ZBTB43: variants seen among roughly 807,000 people sequenced by gnomAD.
ZBTB43 encodes zinc finger and BTB domain containing 43.
ZBTB43 carries 6 observed loss-of-function variants against 31.1 expected under a neutral mutation model. That is an observed-to-expected ratio of 0.19 (90% CI 0.11 to 0.38). ZBTB43 has a LOEUF of 0.38. ZBTB43 is among the 10% of genes least tolerant of loss of function. The pLI, the probability that ZBTB43 is intolerant of heterozygous loss-of-function variation, is 1.00. For missense variants in ZBTB43, 379 were observed against 602.1 expected (o/e 0.63, Z 3.88); for synonymous variants, 212 against 221.7 (o/e 0.96, Z 0.39).
At chr9:126,810,833 G>A (rs148797508) in intron 2 of ZBTB43, among the ~76,000 whole-genome samples, 2,121 of 151,922 alleles carry the variant, frequency 0.014, 25 homozygotes, top group Non-Finnish European at 0.021. Flanking sequence ...GATGGTCAGC[G>A]TGCGAAAGTT....
In ZBTB43 at chr9:126,833,757, G is replaced by A; in HGVS notation, c.1248G>A (p.Val416=). The A allele has an allele frequency of 1.9e-6, 3 of 1,611,088 alleles. No homozygotes were observed. The highest frequency in any genetic ancestry group is 2.5e-6 in the Non-Finnish European group (3 of 1,177,456). ...AATTCAAAATGAAGCACCATCTCGT[G>A]GGCCACATGAAAATTCACACAGGCA... The part of the protein sequence containing the change: ...GKKFKMKHHL[V]GHMKIHTGIK... The change falls in exon 3 of 3, where the codon GTG becomes GTA. Residue 416 remains valine, a synonymous_variant. Coordinates refer to ENST00000373464, the MANE Select transcript of ZBTB43 (RefSeq NM_014007.4). The surrounding 1 kb of genome is among the most constrained non-coding windows in gnomAD (Gnocchi z 7.9).
At chr9:126,825,871 C>T (rs1239743073) in intron 2 of ZBTB43, among the ~76,000 whole-genome samples, 4 of 128,038 alleles carry the variant, frequency 3.1e-5, no homozygotes, top group Admixed American at 1.7e-4. Flanking sequence ...TTTGAGATGG[C>T]GCATCACTCT....
intron 1 of ZBTB43, among the ~76,000 whole-genome samples, chr9:126,805,715 C>G (rs1257803258): frequency 6.6e-6 from 1 of 152,214 alleles, no homozygotes; most frequent in Non-Finnish European, 1.5e-5. Flanking sequence ...ATATCTGTCT[C>G]CACCTTGCTT....
At chr9:126,827,143 G>A (rs1466591948) in intron 2 of ZBTB43, among the ~76,000 whole-genome samples, 1 of 152,162 alleles carries the variant, frequency 6.6e-6, no homozygotes, top group East Asian at 1.9e-4. Context: ...GTTCCATGTA[G>A]TTGCTTAAGT....
At chr9:126,814,080 G>C (rs1242784005) in intron 2 of ZBTB43, among the ~76,000 whole-genome samples, 1 of 152,064 alleles carries the variant, frequency 6.6e-6, no homozygotes, top group Non-Finnish European at 1.5e-5. Flanking sequence ...TAAACCTATA[G>C]ATTCTTGTCC....
Position 126,838,194 on chromosome 9 carries a change from C to G in ZBTB43, c.*4281C>G, listed in dbSNP as rs2032922945. The G allele has an allele frequency of 6.2e-6, 1 of 162,092 alleles. No individual in the cohort carries two copies. The highest frequency in any genetic ancestry group is 1.5e-5 in the Non-Finnish European group (1 of 68,104). 10.0% of individuals were successfully genotyped at this position (162,092 alleles called of 1,614,324 possible). Reference sequence around the variant, plus strand: ...TATGACATGTTTTAATAAATGTTATCTGTCAACTTTGTAAAAGTTTTGTTT... The same window carrying G: ...TATGACATGTTTTAATAAATGTTATGTGTCAACTTTGTAAAAGTTTTGTTT... On this transcript the variant is annotated 3_prime_UTR_variant, in exon 3 of 3. Transcript: ENST00000373464.
In ZBTB43 at chr9:126,832,984, T is replaced by C. The variant is rs549957286; in HGVS notation, c.475T>C (p.Ser159Pro). 2.2e-5 allele frequency: 35 copies of C among 1,613,706 alleles called. No individual in the cohort carries two copies. Among genetic ancestry groups the C allele is most frequent in the Middle Eastern group, 3.3e-4 (2 of 6,062 alleles). The change falls in exon 3 of 3, where the codon TCT becomes CCT. Residue 159 changes from serine to proline, a missense_variant. Coordinates refer to ENST00000373464, the MANE Select transcript of ZBTB43 (RefSeq NM_014007.4). ...NGLVESFELG[S>P]GGHTDFPKAQ... ...CCTGGTAGAGAGCTTTGAGCTGGGC[T>C]CTGGGGGTCATACTGATTTTCCCAA...
chr9:126,825,561 CAG>C (rs2032612120), intron 2 of ZBTB43, among the ~76,000 whole-genome samples: 1 of 152,164 alleles, frequency 6.6e-6, no homozygotes, highest in Admixed American at 6.5e-5. Flanking sequence ...TGGGCCCATA[CAG>C]AGTCTTTTCT....
chr9:126,806,497 C>A (rs189091203), intron 1 of ZBTB43, among the ~76,000 whole-genome samples: 2 of 152,194 alleles, frequency 1.3e-5, no homozygotes, highest in Admixed American at 1.3e-4. Flanking sequence ...GGAGTTATTG[C>A]TTAATGTTAC....
Position 126,817,100 on chromosome 9 carries a change from C to CTTTTTTT in ZBTB43, c.-24+8207_-24+8213dup, listed in dbSNP as rs780632905. On this transcript the variant is annotated intron_variant, in intron 2 of 2. Transcript: ENST00000373464. ...CAACTTGGCCCCATTTCCACTGTAT[C>CTTTTTTT]TTTTTTTTTTTTTTTTTTTTTTTTT... Among the ~76,000 whole-genome samples the CTTTTTTT allele has an allele frequency of 1.5e-3, 82 of 55,358 alleles. 8 individuals are homozygous for CTTTTTTT. The highest frequency in any genetic ancestry group is 5.2e-3 in the African/African-American group (74 of 14,122). The allele number at this position is 55,358 out of a possible 152,430, so 36.3% of individuals were successfully genotyped here.
chr9:126,828,668 T>C (rs1053095546), intron 2 of ZBTB43, among the ~76,000 whole-genome samples: 2 of 146,308 alleles, frequency 1.4e-5, no homozygotes, highest in South Asian at 4.3e-4. Context: ...ATTATTATTA[T>C]TATTATTATT....
chr9:126,832,644 G>A lies in ZBTB43; in HGVS notation c.135G>A (p.Arg45=). Residue 45 remains arginine (R), a synonymous_variant, in exon 3 of 3, where the codon CGG becomes CGA. Coordinates refer to ENST00000373464, the MANE Select transcript of ZBTB43 (RefSeq NM_014007.4). ...TTGTTGTCCAAGGCCACATTTTCCG[G>A]GCACACAAAGCCGTTCTTGCTGCCA... is the stretch of plus-strand genomic sequence containing the variant. The part of the protein sequence containing the change: ...VSIVVQGHIF[R]AHKAVLAASS... The A allele has an allele frequency of 6.2e-7, 1 of 1,614,060 alleles. No individual in the cohort carries two copies. The highest frequency in any genetic ancestry group is 8.5e-7 in the Non-Finnish European group (1 of 1,180,028).
In ZBTB43 at chr9:126,833,059, G is replaced by A. The variant is rs1320866014; in HGVS notation, c.550G>A (p.Glu184Lys). The stretch of plus-strand genomic sequence containing the variant: ...AAATGAAGAGGAGAGCACCAAAGAC[G>A]AGCTGTCATCCCAGCTCACCGAGCA... ...GENEEESTKD[E>K]LSSQLTEHEY... Residue 184 changes from glutamate (E) to lysine (K), a missense_variant, in exon 3 of 3, where the codon GAG becomes AAG. Glu to Lys is a moderately conservative substitution (Grantham distance 56). This residue lies in a region of ZBTB43 where 253 missense variants were observed against 322.3 expected (regional missense o/e 0.79). Coordinates refer to ENST00000373464, the MANE Select transcript of ZBTB43 (RefSeq NM_014007.4). The surrounding 1 kb of genome is among the most constrained non-coding windows in gnomAD (Gnocchi z 7.9). 4 of 1,613,940 alleles carry A rather than the reference G, an allele frequency of 2.5e-6. No individual in the cohort carries two copies. The highest frequency in any genetic ancestry group is 3.4e-6 in the Non-Finnish European group (4 of 1,180,024).
At position 126,827,510 on chromosome 9, in the gene ZBTB43, C is replaced by CCAT. The variant is rs150361754; in HGVS notation, c.-23-4975_-23-4973dup. On this transcript the variant is annotated intron_variant, in intron 2 of 2. Transcript: ENST00000373464. ...TCTTCTGAGCTTCAGCAGCCTCCCT[C>CCAT]CATCCAGCACTCTCTTGGTTGCTGT... Among the ~76,000 whole-genome samples the CCAT allele has an allele frequency of 6.8e-3, 1,030 of 152,290 alleles. 11 individuals carry two copies. The highest frequency in any genetic ancestry group is 0.023 in the African/African-American group (950 of 41,552).
chr9:126,821,730 G>A (rs1180841637), intron 2 of ZBTB43, among the ~76,000 whole-genome samples: 2 of 152,176 alleles, frequency 1.3e-5, no homozygotes, highest in African/African-American at 4.8e-5. Flanking sequence ...AAGATGGTGT[G>A]AACATTATTG....
In ZBTB43 at chr9:126,837,808, G is replaced by A. The variant is rs1564211689; in HGVS notation, c.*3895G>A. 6.0e-6 allele frequency: 1 copy of A among 166,496 alleles called. No individual in the cohort carries two copies. Among genetic ancestry groups the A allele is most frequent in the South Asian group, 2.1e-4 (1 of 4,800 alleles). 10.3% of individuals were successfully genotyped at this position (166,496 alleles called of 1,614,324 possible). On this transcript the variant is annotated 3_prime_UTR_variant, in exon 3 of 3. Coordinates refer to ENST00000373464, the MANE Select transcript of ZBTB43 (RefSeq NM_014007.4). The stretch of plus-strand genomic sequence containing the variant: ...ATCTCTACTGATAGTGCCCTATGGG[G>A]AGATGCTGGAACACATTTTGCAAAT...
At position 126,833,832 on chromosome 9, in the gene ZBTB43, C is replaced by T; in HGVS notation, c.1323C>T (p.Asp441=). 1 of 1,603,620 alleles carries T rather than the reference C, an allele frequency of 6.2e-7. No homozygotes were observed. Among genetic ancestry groups the T allele is most frequent in the Non-Finnish European group, 8.5e-7 (1 of 1,171,224 alleles). ...NICAKRFMWR[D]SFHRHVTSCT... ...GTGCAAAGAGGTTTATGTGGAGGGA[C>T]AGTTTCCACCGGCATGTGACTTCTT... Residue 441 remains aspartate, a synonymous_variant, in exon 3 of 3, where the codon GAC becomes GAT. Transcript: ENST00000373464. This position sits in a 1 kb window ranked among gnomAD's most constrained non-coding sequence, Gnocchi z 7.9.
rs946681623 is a variant in ZBTB43 at position 126,811,241 on chromosome 9, A to G, written c.-24+2326A>G. Among the ~76,000 whole-genome samples the G allele has an allele frequency of 4.6e-5, 7 of 152,006 alleles. 1 individual carries two copies. The highest frequency in any genetic ancestry group is 7.2e-5 in the African/African-American group (3 of 41,404). The stretch of plus-strand genomic sequence containing the variant: ...TCAAAAAAAAAAAAAAAAAGAAGAA[A>G]AAATTATATTCACCTTTTCTTTCCA... On this transcript the variant is annotated intron_variant, in intron 2 of 2. Transcript: ENST00000373464.
chr9:126,817,809 T>G (rs1163947739), intron 2 of ZBTB43, among the ~76,000 whole-genome samples: 1 of 152,102 alleles, frequency 6.6e-6, no homozygotes, highest in African/African-American at 2.4e-5. Context: ...ATTAATTACT[T>G]CTATGACATC....
Sources: gnomAD v4.1 joint callset for allele counts (sites outside exome capture counted in the v4.1 genomes callset) on GRCh38, gnomAD v4.1.1 for gene constraint, gnomAD v4.1.1 regional missense constraint, Gnocchi (gnomAD v3.1) non-coding constraint, MANE v1.5 for transcripts, NCBI Gene and HGNC (gene_info 2026-07-23, HGNC 2026-07-21) for gene names.